ADGRB3: variants seen among roughly 807,000 people sequenced by gnomAD.
ADGRB3 encodes the protein adhesion G protein-coupled receptor B3, also known as brain-specific angiogenesis inhibitor 3.
ADGRB3 carries 37 observed loss-of-function variants against 193.4 expected under a neutral mutation model. The ratio of observed to expected loss-of-function variants is 0.19; its 90% confidence interval spans 0.15 to 0.25. The LOEUF (loss-of-function observed/expected upper bound fraction) is 0.25. ADGRB3 is among the 10% of genes least tolerant of loss of function. The probability of loss-of-function intolerance (pLI) is 1.00; values close to 1 mark genes in which losing one functional copy is unlikely to be tolerated. For synonymous variants in ADGRB3, 690 were observed against 644.2 expected (o/e 1.07, Z -1.08); for missense variants, 1,637 against 1,852.9 (o/e 0.88, Z 2.14).
chr6:69,039,117 T>C (rs979165826), intron 13 of ADGRB3, among the ~76,000 whole-genome samples: 1 of 152,158 alleles, frequency 6.6e-6, no homozygotes, highest in Admixed American at 6.5e-5. Context: ...GGTATAGCAG[T>C]ACTTGTGTAA....
intron 3 of ADGRB3, among the ~76,000 whole-genome samples, chr6:68,905,938 A>C (rs1489766369): frequency 2.0e-5 from 3 of 151,854 alleles, no homozygotes; most frequent in Admixed American, 6.6e-5. Context: ...GAATGTCCTG[A>C]CCACCAATTT....
rs535362847 is a variant in ADGRB3, at chr6:68,952,378, G to GTT, written c.1196-3644_1196-3643dup. Among the ~76,000 whole-genome samples, 754 of 152,090 alleles carry GTT rather than the reference G, an allele frequency of 5.0e-3. 8 individuals are homozygous for GTT. Among genetic ancestry groups the GTT allele is most frequent in the African/African-American group, 0.017 (695 of 41,514 alleles). On this transcript the variant is annotated intron_variant, in intron 6 of 31. Transcript: ENST00000370598. The stretch of plus-strand genomic sequence containing the variant: ...ATGTGTGTGTATATATTACATGTGT[G>GTT]TTTATATATATATAGTCTGTTGTCT...
At chr6:68,807,058 A>G (rs943708179) in intron 3 of ADGRB3, among the ~76,000 whole-genome samples, 2 of 152,116 alleles carry the variant, frequency 1.3e-5, no homozygotes, top group South Asian at 4.1e-4. Flanking sequence ...TTTTAAAAAT[A>G]TTTTTGAAGT....
intron 17 of ADGRB3, among the ~76,000 whole-genome samples, chr6:69,218,190 G>A (rs531122650): frequency 6.6e-6 from 1 of 151,944 alleles, no homozygotes; most frequent in East Asian, 1.9e-4. Context: ...TGGTCTATAA[G>A]TATGTACAAT....
chr6:69,300,485 A>G (rs1457623267), intron 20 of ADGRB3, among the ~76,000 whole-genome samples: 1 of 151,836 alleles, frequency 6.6e-6, no homozygotes, highest in African/African-American at 2.4e-5. Flanking sequence ...AAAAAGGGAA[A>G]TAAATAAAGG....
chr6:69,362,954 C>G (rs1350753311), intron 29 of ADGRB3, among the ~76,000 whole-genome samples: 1 of 151,836 alleles, frequency 6.6e-6, no homozygotes, highest in African/African-American at 2.4e-5. Context: ...ATCATAATGA[C>G]TATATGGAAG....
At chr6:68,839,345 C>A (rs900077208) in intron 3 of ADGRB3, among the ~76,000 whole-genome samples, 3 of 152,176 alleles carry the variant, frequency 2.0e-5, no homozygotes, top group African/African-American at 7.2e-5. Flanking sequence ...AAACTATGAA[C>A]TTCAAAATAC....
chr6:68,980,133 A>G (rs549049573), intron 10 of ADGRB3, among the ~76,000 whole-genome samples: 2 of 151,732 alleles, frequency 1.3e-5, no homozygotes, highest in African/African-American at 4.8e-5. Context: ...AGAGTTAGGT[A>G]TAAATATCCC....
At chr6:69,148,393 AAACT>A (rs775134966) in intron 17 of ADGRB3, among the ~76,000 whole-genome samples, 10 of 152,176 alleles carry the variant, frequency 6.6e-5, no homozygotes, top group Non-Finnish European at 1.3e-4. Context: ...ATAAACATAC[AAACT>A]AACAAGAAAG....
At chr6:68,848,251 A>C (rs1245241379) in intron 3 of ADGRB3, among the ~76,000 whole-genome samples, 1 of 152,132 alleles carries the variant, frequency 6.6e-6, no homozygotes, top group Non-Finnish European at 1.5e-5. Flanking sequence ...TATTCAGTCC[A>C]ATGATCTATT....
intron 3 of ADGRB3, among the ~76,000 whole-genome samples, chr6:68,797,655 T>C (rs2127369392): frequency 6.6e-6 from 1 of 152,306 alleles, no homozygotes; most frequent in Middle Eastern, 3.4e-3. Flanking sequence ...AACTGAAGGC[T>C]TCCAGCTTCT....
intron 3 of ADGRB3, among the ~76,000 whole-genome samples, chr6:68,763,553 A>G (rs1304620811): frequency 6.6e-6 from 1 of 152,216 alleles, no homozygotes; most frequent in East Asian, 1.9e-4. Flanking sequence ...CTCATATTAA[A>G]GGCTGGTAGA....
intron 18 of ADGRB3, 125 bp downstream of exon 18, chr6:69,233,541 T>C: frequency 7.7e-7 from 1 of 1,299,928 alleles, no homozygotes; most frequent in Non-Finnish European, 1.1e-6. Flanking sequence ...ATTGGGTTCG[T>C]CTCCTCCTTA....
chr6:69,035,923 G>A lies in ADGRB3; in HGVS notation c.2108-12262G>A, dbSNP rs188255704. On this transcript the variant is annotated intron_variant, in intron 13 of 31. Coordinates refer to ENST00000370598, the MANE Select transcript of ADGRB3 (RefSeq NM_001704.3). ...TTATGGAAATGGGAAAGATTACACA[G>A]GGAATGCATATTTTGATGAAGAGTG... 2.2e-3 allele frequency among the ~76,000 whole-genome samples: 333 copies of A among 152,272 alleles called. 4 individuals are homozygous for A. Among genetic ancestry groups the A allele is most frequent in the Non-Finnish European group, 1.6e-3 (107 of 68,004 alleles).
At chr6:68,839,340 A>G (rs1191562064) in intron 3 of ADGRB3, among the ~76,000 whole-genome samples, 1 of 152,200 alleles carries the variant, frequency 6.6e-6, no homozygotes, top group Non-Finnish European at 1.5e-5. Flanking sequence ...ATCTAAAACT[A>G]TGAACTTCAA....
intron 17 of ADGRB3, among the ~76,000 whole-genome samples, chr6:69,163,411 A>G (rs1039515233): frequency 3.9e-5 from 6 of 152,112 alleles, no homozygotes; most frequent in African/African-American, 1.4e-4. Context: ...CATGGGACAA[A>G]TGATTTGCTC....
In ADGRB3 at chr6:69,360,879, G is replaced by C. The variant is rs200097950; in HGVS notation, c.3606G>C (p.Lys1202Asn). Residue 1202 changes from lysine (K) to asparagine (N), a missense_variant, in exon 29 of 32, where the codon AAG becomes AAC. Lys to Asn is a moderately conservative substitution (Grantham distance 94, BLOSUM62 0). Transcript: ENST00000370598. Reference sequence around the variant, plus strand: ...CATTCCTACTCACAGTTCTTCATAAGGATATTGGTCCTTGCCGAGCAGCCA... The same window carrying C: ...CATTCCTACTCACAGTTCTTCATAACGATATTGGTCCTTGCCGAGCAGCCA... ...VDIACRSVLH[K>N]DIGPCRAATI... The C allele has an allele frequency of 1.3e-6, 2 of 1,599,620 alleles. No homozygotes were observed. The highest frequency in any genetic ancestry group is 8.5e-7 in the Non-Finnish European group (1 of 1,172,918).
At chr6:69,305,394 T>G (rs1343225589) in intron 20 of ADGRB3, among the ~76,000 whole-genome samples, 1 of 151,544 alleles carries the variant, frequency 6.6e-6, no homozygotes, top group East Asian at 1.9e-4. Flanking sequence ...GATTGTTGAT[T>G]TATACAGTGT....
chr6:68,919,076 C>T (rs1348060969), intron 3 of ADGRB3, among the ~76,000 whole-genome samples: 1 of 152,196 alleles, frequency 6.6e-6, no homozygotes, highest in East Asian at 1.9e-4. Context: ...CTATTGTCCA[C>T]AGTGAGCCTC....
Sources: gnomAD v4.1 joint callset for allele counts (sites outside exome capture counted in the v4.1 genomes callset) on GRCh38, gnomAD v4.1.1 for gene constraint, MANE v1.5 for transcripts, NCBI Gene and HGNC (gene_info 2026-07-23, HGNC 2026-07-21) for gene names.